Variants in ZNF280A observed in about 807,000 individuals in gnomAD.
ZNF280A encodes suppressor of hairy wing homolog 1.
A neutral mutation model predicts 35.9 loss-of-function variants in ZNF280A; 26 were observed. The observed-to-expected ratio is 0.72, with a 90% CI of 0.53 to 1.01. The LOEUF is 1.01. ZNF280A is among the 50% of genes least tolerant of loss of function. The probability of loss-of-function intolerance (pLI) is 0.00; values close to 1 mark genes in which losing one functional copy is unlikely to be tolerated. For missense variants in ZNF280A, 654 were observed against 652.0 expected (o/e 1.00, Z -0.03); for synonymous variants, 231 against 232.9 (o/e 0.99, Z 0.07).
Position 22,515,509 on chromosome 22 carries a change from T to G in ZNF280A, c.122A>C (p.His41Pro), listed in dbSNP as rs1241029412. The change falls in exon 2 of 2, where the codon CAT becomes CCT. Residue 41 changes from histidine (H) to proline (P), a missense_variant. Physicochemically the swap from His to Pro is moderately conservative, Grantham distance 77 (BLOSUM62 -2). Transcript: ENST00000302097. ...DLIYVGVEHVHRDAEVLFVGM... is the reference protein window; with the variant it reads ...DLIYVGVEHVPRDAEVLFVGM... ...GACAAAGAGAACTTCAGCATCTCTA[T>G]GTACATGCTCCACCCCAACATAGAT... 6.2e-7 allele frequency: 1 copy of G among 1,613,804 alleles called. No homozygotes were observed. Among genetic ancestry groups the G allele is most frequent in the African/African-American group, 1.3e-5 (1 of 74,868 alleles).
At chr22:22,518,087 G>T (rs1482907046) in intron 1 of ZNF280A, among the ~76,000 whole-genome samples, 1 of 151,714 alleles carries the variant, frequency 6.6e-6, no homozygotes, top group Non-Finnish European at 1.5e-5. Context: ...CACCTCGCCC[G>T]GCTAATTTTT....
chr22:22,515,767 T>G (rs565018755), intron 1 of ZNF280A, 66 bp from the exon 2 acceptor site: 1 of 1,378,246 alleles, frequency 7.3e-7, no homozygotes, highest in South Asian at 1.6e-5. Context: ...CTTTATTGTA[T>G]CCTCCCTTAA....
In ZNF280A at chr22:22,514,918, T is replaced by A; in HGVS notation, c.713A>T (p.Asn238Ile). 1 of 1,613,900 alleles carries A rather than the reference T, an allele frequency of 6.2e-7. No homozygotes were observed. Among genetic ancestry groups the A allele is most frequent in the Non-Finnish European group, 8.5e-7 (1 of 1,179,976 alleles). Residue 238 changes from asparagine to isoleucine, a missense_variant, in exon 2 of 2, where the codon AAT becomes ATT. Coordinates refer to ENST00000302097, the MANE Select transcript of ZNF280A (RefSeq NM_080740.5). ...WPDANGKAHF[N>I]LTDPERASES... ...ACTTGCTCTCTCTGGATCTGTAAGA[T>A]TGAAATGTGCCTTTCCATTAGCATC...
intron 1 of ZNF280A, among the ~76,000 whole-genome samples, chr22:22,518,032 TCTC>T (rs773512630): frequency 2.3e-4 from 35 of 151,640 alleles, no homozygotes; most frequent in Non-Finnish European, 4.1e-4. Flanking sequence ...TTCACGCCAT[TCTC>T]CTGCCTCAGT....
rs1164259462 is a variant in ZNF280A, at chr22:22,515,192, A to G, written c.439T>C (p.Cys147Arg). The part of the protein sequence containing the change: ...SSDSLPPGTQ[C>R]LVGAMVSGGG... ...CCAGAGACCATAGCTCCAACTAGAC[A>G]CTGAGTCCCTGGGGGGAGCGAGTCT... Residue 147 changes from cysteine (C) to arginine (R), a missense_variant, in exon 2 of 2, where the codon TGT becomes CGT. By Grantham distance (180) the Cys-to-Arg change is radical. Coordinates refer to ENST00000302097, the MANE Select transcript of ZNF280A (RefSeq NM_080740.5). 1.2e-6 allele frequency: 2 copies of G among 1,613,892 alleles called. No individual in the cohort carries two copies. Among genetic ancestry groups the G allele is most frequent in the Admixed American group, 3.3e-5 (2 of 60,000 alleles).
chr22:22,516,084 A>G (rs1159366556), intron 1 of ZNF280A, among the ~76,000 whole-genome samples: 1 of 151,874 alleles, frequency 6.6e-6, no homozygotes, highest in Non-Finnish European at 1.5e-5. Flanking sequence ...AGCCTGGGCA[A>G]CATAGCAAGA....
intron 1 of ZNF280A, among the ~76,000 whole-genome samples, chr22:22,517,242 C>CA (rs1232432949): frequency 2.0e-5 from 3 of 151,998 alleles, no homozygotes; most frequent in Middle Eastern, 3.5e-3. Flanking sequence ...CCCATCTCTA[C>CA]AAAAAATTTA....
At position 22,515,382 on chromosome 22, in the gene ZNF280A, A is replaced by G; in HGVS notation, c.249T>C (p.Pro83=). The G allele has an allele frequency of 6.2e-7, 1 of 1,613,832 alleles. No homozygotes were observed. Among genetic ancestry groups the G allele is most frequent in the Non-Finnish European group, 8.5e-7 (1 of 1,179,964 alleles). Residue 83 remains proline (P), a synonymous_variant, in exon 2 of 2, where the codon CCT becomes CCC. Transcript: ENST00000302097. ...GATTTGCAGGCTGCGACACGTGAGC[A>G]GGATATTGACGGAAGTGGCCTTTCT... The part of the protein sequence containing the change: ...RRKKGHFRQY[P]AHVSQPANHV...
chr22:22,513,780 T>A lies in ZNF280A; in HGVS notation c.*222A>T, dbSNP rs1407604174. ...TTAAAGTTCATGAACAAGAAAAACC[T>A]CTGAGGTCAGAATAAGGGATGCCCT... On this transcript the variant is annotated 3_prime_UTR_variant, in exon 2 of 2. Coordinates refer to ENST00000302097, the MANE Select transcript of ZNF280A (RefSeq NM_080740.5). 2.2e-6 allele frequency: 1 copy of A among 459,306 alleles called. No homozygotes were observed. Among genetic ancestry groups the A allele is most frequent in the Non-Finnish European group, 3.8e-6 (1 of 263,912 alleles). The allele number at this position is 459,306 out of a possible 1,614,324, so 28.5% of individuals were successfully genotyped here. A position where few individuals can be genotyped will look rare whatever the true frequency, so the allele number is the denominator to read the frequency against.
Position 22,513,893 on chromosome 22 carries a change from C to A in ZNF280A, c.*109G>T. ...GCTGATGAGATGTCACTGTAAAAAACAACCTGACAGTTGATGACATTGCTT... is the reference window on the plus strand; with the variant it reads ...GCTGATGAGATGTCACTGTAAAAAAAAACCTGACAGTTGATGACATTGCTT... On this transcript the variant is annotated 3_prime_UTR_variant, in exon 2 of 2. Transcript: ENST00000302097. The A allele has an allele frequency of 1.4e-6, 1 of 717,342 alleles. No homozygotes were observed. Among genetic ancestry groups the A allele is most frequent in the South Asian group, 1.8e-5 (1 of 54,880 alleles). 44.4% of individuals were successfully genotyped at this position (717,342 alleles called of 1,614,324 possible). A position where few individuals can be genotyped will look rare whatever the true frequency, so the allele number is the denominator to read the frequency against.
Position 22,514,030 on chromosome 22 carries a change from C to G in ZNF280A, c.1601G>C (p.Arg534Thr). The change falls in exon 2 of 2, where the codon AGA (arginine) becomes ACA (threonine). Residue 534 changes from arginine (R) to threonine (T), a missense_variant. Arg to Thr is a moderately conservative substitution (Grantham distance 71). Transcript: ENST00000302097. ...KKTAMNTRDSRLPCSKDSS is the reference protein window; with the variant it reads ...KKTAMNTRDSTLPCSKDSS ...GCTAGAATCCTTGCTGCAAGGGAGT[C>G]TGGAATCTCTAGTGTTCATAGCCGT... The G allele has an allele frequency of 6.3e-7, 1 of 1,582,362 alleles. No individual in the cohort carries two copies. The highest frequency in any genetic ancestry group is 8.6e-7 in the Non-Finnish European group (1 of 1,162,352).
At position 22,514,541 on chromosome 22, in the gene ZNF280A, C is replaced by G. The variant is rs754993471; in HGVS notation, c.1090G>C (p.Ala364Pro). ...GACAATTCACAGATTTTACAGACAGCAGAGGGCCCCATGGCGATGTGTACA... is the reference window on the plus strand; with the variant it reads ...GACAATTCACAGATTTTACAGACAGGAGAGGGCCCCATGGCGATGTGTACA... Reference protein sequence around the residue: ...DSVHIAMGPSAVCKICELSFE... With the variant: ...DSVHIAMGPSPVCKICELSFE... Residue 364 changes from alanine (A) to proline (P), a missense_variant, in exon 2 of 2, where the codon GCT becomes CCT. Ala to Pro is a conservative substitution (Grantham distance 27). Transcript: ENST00000302097. 1 of 1,613,920 alleles carries G rather than the reference C, an allele frequency of 6.2e-7. No homozygotes were observed. Among genetic ancestry groups the G allele is most frequent in the South Asian group, 1.1e-5 (1 of 91,070 alleles).
In ZNF280A at chr22:22,514,962, T is replaced by G; in HGVS notation, c.669A>C (p.Gly223=). The stretch of plus-strand genomic sequence containing the variant: ...TAGCATCAGGCCAAGGAAATGTTAC[T>G]CCATTCTGAACATGGTTTGATGAGT... ...ICNSSNHVQN[G]VTFPWPDANG... is the part of the protein sequence containing the mutation. The change falls in exon 2 of 2, where the codon GGA becomes GGC. Residue 223 remains glycine, a synonymous_variant. Transcript: ENST00000302097. The G allele has an allele frequency of 6.2e-7, 1 of 1,613,928 alleles. No homozygotes were observed. Among genetic ancestry groups the G allele is most frequent in the Non-Finnish European group, 8.5e-7 (1 of 1,179,980 alleles).
At position 22,514,803 on chromosome 22, in the gene ZNF280A, A is replaced by G. The variant is rs1569194307; in HGVS notation, c.828T>C (p.Leu276=). 1 of 1,613,942 alleles carries G rather than the reference A, an allele frequency of 6.2e-7. No individual in the cohort carries two copies. The highest frequency in any genetic ancestry group is 8.5e-7 in the Non-Finnish European group (1 of 1,179,984). ...DPKKENPIVL[L]SDFYYGQHKG... ...TATGCTGTCCATAGTAAAAGTCGCT[A>G]AGTAACACGATGGGATTTTCTTTCT... The change falls in exon 2 of 2, where the codon CTT becomes CTC. Residue 276 remains leucine (L), a synonymous_variant. Transcript: ENST00000302097.
chr22:22,514,650 G>A lies in ZNF280A; in HGVS notation c.981C>T (p.Asn327=), dbSNP rs375266151. 45 of 1,613,924 alleles carry A rather than the reference G, an allele frequency of 2.8e-5. 1 individual carries two copies. The Middle Eastern group carries it at 5.0e-4, about 18-fold the overall frequency. Residue 327 remains asparagine (N), a synonymous_variant, in exon 2 of 2, where the codon AAC becomes AAT. Coordinates refer to ENST00000302097, the MANE Select transcript of ZNF280A (RefSeq NM_080740.5). ...KHHLEFEKQR[N]DSWEDHTTCQ... is the part of the protein sequence containing the mutation. ...AGGTGGTGTGGTCTTCCCAGCTGTC[G>A]TTCCTCTGCTTCTCAAATTCCAAAT...
rs1555948002 is a variant in ZNF280A at position 22,516,296 on chromosome 22, A to AACACACACACACACAC, written c.-71-596_-71-595insGTGTGTGTGTGTGTGT. ...ACAAACACACACACACACAAATCAC[A>AACACACACACACACAC]GCACACACACACACACACACCCTTT... On this transcript the variant is annotated intron_variant, in intron 1 of 1. Coordinates refer to ENST00000302097, the MANE Select transcript of ZNF280A (RefSeq NM_080740.5). Among the ~76,000 whole-genome samples, 455 of 149,390 alleles carry AACACACACACACACAC rather than the reference A, an allele frequency of 3.0e-3. 3 individuals carry two copies. Among genetic ancestry groups the AACACACACACACACAC allele is most frequent in the East Asian group, 4.3e-3 (21 of 4,938 alleles).
intron 1 of ZNF280A, among the ~76,000 whole-genome samples, chr22:22,517,793 G>A (rs2062089448): frequency 6.7e-6 from 1 of 149,842 alleles, no homozygotes; most frequent in Non-Finnish European, 1.5e-5. Flanking sequence ...CTTTTGTGAG[G>A]ATAAGCGTGA....
Position 22,518,436 on chromosome 22 carries a change from CT to C in ZNF280A, c.-72+1652del, listed in dbSNP as rs1046757409. On this transcript the variant is annotated intron_variant, in intron 1 of 1. Coordinates refer to ENST00000302097, the MANE Select transcript of ZNF280A (RefSeq NM_080740.5). Reference sequence around the variant, plus strand: ...ACATTTTTAAGGTATTGTTTTCTTACTTTTTTTTTATTAAGATTTTTTTAAA... The same window carrying C: ...ACATTTTTAAGGTATTGTTTTCTTACTTTTTTTTATTAAGATTTTTTTAAA... 1.6e-4 allele frequency among the ~76,000 whole-genome samples: 24 copies of C among 151,150 alleles called. 1 individual carries two copies. Among genetic ancestry groups the C allele is most frequent in the South Asian group, 1.0e-3 (5 of 4,774 alleles).
In ZNF280A at chr22:22,514,184, G is replaced by T. The variant is rs2062041224; in HGVS notation, c.1447C>A (p.Leu483Met). ...TTTGTTTCACTAGGCAACCCTTGCA[G>T]TTGCTCCGGCTTTTTAAATGTTTGA... ...DHQTFKKPEQ[L>M]QGLPSETKVI... Residue 483 changes from leucine (L) to methionine (M), a missense_variant, in exon 2 of 2, where the codon CTG becomes ATG. By Grantham distance (15) the Leu-to-Met change is conservative. Coordinates refer to ENST00000302097, the MANE Select transcript of ZNF280A (RefSeq NM_080740.5). 6.2e-7 allele frequency: 1 copy of T among 1,613,706 alleles called. No homozygotes were observed. The highest frequency in any genetic ancestry group is 8.5e-7 in the Non-Finnish European group (1 of 1,179,970).
Sources: allele counts gnomAD v4.1 joint callset (sites outside exome capture counted in the v4.1 genomes callset), GRCh38; gene constraint gnomAD v4.1.1; transcripts MANE v1.5; gene names NCBI Gene and HGNC (gene_info 2026-07-23, HGNC 2026-07-21).